Variants in GPC5 observed in about 807,000 individuals in gnomAD.
GPC5 encodes glypican 5, also known as glypican-5.
GPC5 carries 47 observed loss-of-function variants against 53.9 expected under a neutral mutation model. That is an observed-to-expected ratio of 0.87 (90% CI 0.69 to 1.11). GPC5 has a LOEUF of 1.11. GPC5 is among the 50% of genes most tolerant of loss of function. The pLI is 0.00. For missense variants in GPC5, 748 were observed against 713.1 expected (o/e 1.05, Z -0.56); for synonymous variants, 286 against 263.3 (o/e 1.09, Z -0.84).
intron 6 of GPC5, chr13:91,995,714 A>G (rs957958749): frequency 5.9e-5 from 9 of 152,242 alleles, no homozygotes; most frequent in African/African-American, 2.2e-4. Flanking sequence ...AATCAATTTT[A>G]TTGGTATTAT....
intron 1 of GPC5, among the ~76,000 whole-genome samples, chr13:91,412,596 T>C (rs1877890976): frequency 6.6e-6 from 1 of 152,188 alleles, no homozygotes; most frequent in African/African-American, 2.4e-5. Context: ...ACTCAAATAA[T>C]GTAAATGACT....
intron 2 of GPC5, among the ~76,000 whole-genome samples, chr13:91,613,313 G>A (rs1370665636): frequency 6.6e-6 from 1 of 152,162 alleles, no homozygotes; most frequent in Non-Finnish European, 1.5e-5. Context: ...CAGCAGACAA[G>A]AGAAGAGAAT....
intron 7 of GPC5, among the ~76,000 whole-genome samples, chr13:92,230,625 A>G (rs923306437): frequency 2.6e-5 from 4 of 152,156 alleles, no homozygotes; most frequent in Admixed American, 2.0e-4. Flanking sequence ...ATAATCCACT[A>G]AGTCAATTAA....
At chr13:91,704,239 T>C (rs1376252776) in intron 3 of GPC5, among the ~76,000 whole-genome samples, 1 of 151,182 alleles carries the variant, frequency 6.6e-6, no homozygotes, top group East Asian at 2.1e-4. Flanking sequence ...TTTGTCATTA[T>C]GTAATGCCCT....
chr13:92,725,293 G>T (rs1031515686), intron 7 of GPC5, among the ~76,000 whole-genome samples: 2 of 151,312 alleles, frequency 1.3e-5, no homozygotes, highest in African/African-American at 4.8e-5. Context: ...CTAAATATGA[G>T]TAATTTGTTT....
chr13:91,922,605 A>G (rs1382757061), intron 6 of GPC5, among the ~76,000 whole-genome samples: 1 of 152,232 alleles, frequency 6.6e-6, no homozygotes, highest in Non-Finnish European at 1.5e-5. Flanking sequence ...TTCTCTCAAC[A>G]TAGAACACAT....
At chr13:91,781,674 C>T (rs1357822706) in intron 5 of GPC5, among the ~76,000 whole-genome samples, 1 of 152,208 alleles carries the variant, frequency 6.6e-6, no homozygotes, top group Non-Finnish European at 1.5e-5. Flanking sequence ...GCATATCTTC[C>T]TCATTTTGTG....
intron 7 of GPC5, among the ~76,000 whole-genome samples, chr13:92,374,606 C>A (rs9561027): frequency 0.059 from 8,736 of 147,042 alleles, 326 homozygotes; most frequent in Middle Eastern, 0.15. Context: ...CGCAAGAACA[C>A]AAAACCAAAC....
chr13:92,741,221 C>T (rs1889082054), intron 7 of GPC5, among the ~76,000 whole-genome samples: 2 of 150,926 alleles, frequency 1.3e-5, no homozygotes, highest in Admixed American at 6.7e-5. Context: ...AACGGGCATT[C>T]ATGAGGTGAT....
chr13:91,898,838 GA>G (rs573161079), intron 5 of GPC5, among the ~76,000 whole-genome samples: 49 of 150,730 alleles, frequency 3.3e-4, no homozygotes, highest in African/African-American at 1.0e-3. Context: ...TGATTGCTAA[GA>G]AAAAAAAATT....
At chr13:92,001,933 G>A (rs566446468) in intron 6 of GPC5, among the ~76,000 whole-genome samples, 89 of 152,090 alleles carry the variant, frequency 5.9e-4, no homozygotes, top group Non-Finnish European at 1.2e-3. Flanking sequence ...TGGAATGTAG[G>A]TCAAAAATTC....
intron 2 of GPC5, chr13:91,486,220 C>G (rs1883600110): frequency 6.6e-6 from 1 of 152,212 alleles, no homozygotes; most frequent in Admixed American, 6.5e-5. Context: ...TCTTGTTAGA[C>G]CATCCGCTGG....
chr13:92,616,835 A>C (rs1439134977), intron 7 of GPC5, among the ~76,000 whole-genome samples: 3 of 152,208 alleles, frequency 2.0e-5, no homozygotes, highest in Non-Finnish European at 4.4e-5. Flanking sequence ...TGTAGAAACA[A>C]CAAATGGGCA....
intron 2 of GPC5, among the ~76,000 whole-genome samples, chr13:91,689,206 T>A (rs573013640): frequency 8.5e-6 from 1 of 117,138 alleles, no homozygotes; most frequent in South Asian, 2.9e-4. Context: ...TATATATATA[T>A]ATATATATAT....
intron 4 of GPC5, among the ~76,000 whole-genome samples, chr13:91,742,312 G>A (rs530100374): frequency 6.6e-6 from 1 of 152,228 alleles, no homozygotes; most frequent in Non-Finnish European, 1.5e-5. Context: ...TCCCATGAAT[G>A]TTCCCAGAAA....
intron 2 of GPC5, among the ~76,000 whole-genome samples, chr13:91,456,173 T>A (rs925417539): frequency 1.3e-5 from 2 of 152,138 alleles, no homozygotes; most frequent in African/African-American, 4.8e-5. Context: ...TGAGGATGAA[T>A]GTAAACTGAA....
intron 3 of GPC5, among the ~76,000 whole-genome samples, chr13:91,724,667 A>G (rs2036541350): frequency 6.6e-6 from 1 of 151,950 alleles, no homozygotes; most frequent in African/African-American, 2.4e-5. Context: ...CTGGCAACAT[A>G]GTGAGATCCC....
chr13:91,468,364 A>G (rs1484636803), intron 2 of GPC5, among the ~76,000 whole-genome samples: 2 of 152,166 alleles, frequency 1.3e-5, no homozygotes, highest in East Asian at 1.9e-4. Flanking sequence ...CCAGTACTTC[A>G]TAATGTAACC....
chr13:91,414,353 G>T (rs910360830), intron 1 of GPC5, among the ~76,000 whole-genome samples: 1 of 152,240 alleles, frequency 6.6e-6, no homozygotes, highest in African/African-American at 2.4e-5. Context: ...CGCAATGATT[G>T]CAAGTTTCCT....
Sources: allele counts gnomAD v4.1 joint callset (sites outside exome capture counted in the v4.1 genomes callset), GRCh38; gene constraint gnomAD v4.1.1; transcripts MANE v1.5; gene names NCBI Gene and HGNC (gene_info 2026-07-23, HGNC 2026-07-21).